Variants in SPIN3 observed in about 807,000 individuals in gnomAD.
SPIN3 encodes the protein spindlin family member 3, also known as spindlin-3.
For missense variants in SPIN3, 176 were observed against 196.4 expected (o/e 0.90, Z 0.62); for synonymous variants, 74 against 74.3 (o/e 1.00, Z 0.02).
downstream of SPIN3, among the ~76,000 whole-genome samples, chrX:56,989,296 C>T (rs966864433): frequency 9.0e-6 from 1 of 111,087 alleles, no homozygotes; most frequent in Non-Finnish European, 1.9e-5. Context: ...AGGTTTTTCT[C>T]CTTTGGGGAC....
chrX:56,984,037 T>A (rs780156216), intron 3 of SPIN3, among the ~76,000 whole-genome samples: 1 of 111,489 alleles, frequency 9.0e-6, no homozygotes, highest in South Asian at 3.8e-4. Flanking sequence ...CACTCAGGGA[T>A]CCTCTCACTT....
intron 3 of SPIN3, chrX:56,982,546 C>T (rs1319718442): frequency 9.0e-6 from 1 of 110,771 alleles, no homozygotes; most frequent in Non-Finnish European, 1.9e-5. Context: ...AGAAAATACC[C>T]AGGGCCAGCA....
At position 56,991,354 on chromosome X, in the gene SPIN3, A is replaced by T. The variant is rs1924332918; in HGVS notation, c.*2817T>A. 1 of 111,488 alleles carries T rather than the reference A, an allele frequency of 9.0e-6. No individual in the cohort carries two copies. The highest frequency in any genetic ancestry group is 3.8e-4 in the South Asian group (1 of 2,620). The allele number at this position is 111,488 out of a possible 1,213,427, so 9.2% of individuals were successfully genotyped here. On this transcript the variant is annotated 3_prime_UTR_variant, in exon 2 of 2. Transcript: ENST00000374919. ...ACCCAGCCATGTAGTGAAGGACTGC[A>T]GTCTTTCCCACATCTTGCTGTGTGG...
chrX:56,987,189 C>A (rs1174614706), downstream of SPIN3, among the ~76,000 whole-genome samples: 5 of 111,866 alleles, frequency 4.5e-5, no homozygotes, highest in Non-Finnish European at 9.4e-5. Context: ...CAAAAACATA[C>A]CAGAAAACAG....
In SPIN3 at chrX:56,993,102, G is replaced by GGACTCTGAA. The variant is rs1482799443; in HGVS notation, c.*1068_*1069insTTCAGAGTC. 1.8e-5 allele frequency: 2 copies of GGACTCTGAA among 112,031 alleles called. No homozygotes were observed. Among genetic ancestry groups the GGACTCTGAA allele is most frequent in the African/African-American group, 3.2e-5 (1 of 30,807 alleles). 9.2% of individuals were successfully genotyped at this position (112,031 alleles called of 1,213,427 possible). On this transcript the variant is annotated 3_prime_UTR_variant, in exon 2 of 2. Transcript: ENST00000374919. ...TATAGCCTGCTTTCAGCCATTCTTG[G>GGACTCTGAA]TTCTCACAAGTGCCTTGCCCACCTC...
At chrX:56,975,875 TA>T (rs34554026), downstream of SPIN3, 59,542 of 109,569 alleles carry the variant, frequency 0.54, 14,435 homozygotes, top group Non-Finnish European at 0.75. Flanking sequence ...GGTCCACTTT[TA>T]ACTTTTCCTG....
At chrX:56,983,752 T>C (rs763955969) in intron 3 of SPIN3, among the ~76,000 whole-genome samples, 1 of 112,752 alleles carries the variant, frequency 8.9e-6, no homozygotes, top group South Asian at 3.7e-4. Flanking sequence ...GTCAGTACTA[T>C]GCTAGGGTGG....
downstream of SPIN3, among the ~76,000 whole-genome samples, chrX:56,986,604 C>T (rs932254606): frequency 2.7e-5 from 3 of 112,060 alleles, no homozygotes; most frequent in Non-Finnish European, 5.6e-5. Flanking sequence ...TTACTGACAT[C>T]CCGACATCCT....
downstream of SPIN3, among the ~76,000 whole-genome samples, chrX:56,989,073 G>T (rs1330870138): frequency 8.9e-6 from 1 of 111,832 alleles, no homozygotes; most frequent in Non-Finnish European, 1.9e-5. Context: ...AAGCTACTAT[G>T]TATTGTTTCC....
At chrX:56,982,127 G>T (rs1325748874) in intron 3 of SPIN3, 2 of 111,527 alleles carry the variant, frequency 1.8e-5, no homozygotes, top group African/African-American at 6.5e-5. Flanking sequence ...CAGGGTAAAT[G>T]GGCTCACCCT....
At chrX:56,975,174 C>T (rs1923979495), downstream of SPIN3, 1 of 112,253 alleles carries the variant, frequency 8.9e-6, no homozygotes, top group Non-Finnish European at 1.9e-5. Context: ...GCCTGTGACA[C>T]AGCCCTCAGG....
downstream of SPIN3, among the ~76,000 whole-genome samples, chrX:56,986,907 G>A (rs928508887): frequency 8.0e-5 from 9 of 111,993 alleles, no homozygotes; most frequent in East Asian, 2.8e-4. Context: ...TGAGGCAGGC[G>A]GATCACCTGA....
chrX:56,984,307 C>T, exon 3 of SPIN3: 1 of 264,434 alleles, frequency 3.8e-6, no homozygotes, highest in Non-Finnish European at 7.1e-6. Context: ...TCATTCATAA[C>T]ATTGGTGTGG....
At chrX:56,982,212 T>C (rs751071803) in intron 3 of SPIN3, 2 of 111,100 alleles carry the variant, frequency 1.8e-5, no homozygotes, top group South Asian at 7.8e-4. Flanking sequence ...AAACCCCTTA[T>C]CCTGAATGCA....
rs974683726 is a variant in SPIN3 at position 56,995,236 on chromosome X, C to T, written c.-23G>A. ...ACTACCCGGCCAGGAGGCGCAGATT[C>T]CCCACCGTCCCGGATTGCGGGCCTC... On this transcript the variant is annotated 5_prime_UTR_variant, in exon 1 of 2. Transcript: ENST00000374919. 109 of 297,515 alleles carry T rather than the reference C, an allele frequency of 3.7e-4. No homozygotes were observed. Among genetic ancestry groups the T allele is most frequent in the Non-Finnish European group, 2.3e-4 (39 of 171,180 alleles). 24.5% of individuals were successfully genotyped at this position (297,515 alleles called of 1,213,427 possible). A position where few individuals can be genotyped will look rare whatever the true frequency, so the allele number is the denominator to read the frequency against.
chrX:56,994,263 T>C lies in SPIN3; in HGVS notation c.685A>G (p.Ile229Val). Residue 229 changes from isoleucine (I) to valine (V), a missense_variant, in exon 2 of 2, where the codon ATT (isoleucine) becomes GTT (valine). By Grantham distance (29) the Ile-to-Val change is conservative. Transcript: ENST00000374919. ...DDGSKRTGMV[I>V]HQVEAKPSVY... ...GAGGGTTTTGCTTCTACCTGATGAATGACCATGCCAGTTCTCTTGGAGCCA... is the reference window on the plus strand; with the variant it reads ...GAGGGTTTTGCTTCTACCTGATGAACGACCATGCCAGTTCTCTTGGAGCCA... The C allele has an allele frequency of 8.3e-7, 1 of 1,212,034 alleles. No homozygotes were observed. The highest frequency in any genetic ancestry group is 1.1e-6 in the Non-Finnish European group (1 of 895,609).
intron 2 of SPIN3, among the ~76,000 whole-genome samples, chrX:56,985,700 G>A (rs1924209790): frequency 8.9e-6 from 1 of 112,173 alleles, no homozygotes; most frequent in African/African-American, 3.2e-5. Flanking sequence ...TTCATGCAGA[G>A]TAAATACCAA....
Position 56,992,665 on chromosome X carries a change from T to C in SPIN3, c.*1506A>G. 2 of 294,476 alleles carry C rather than the reference T, an allele frequency of 6.8e-6. No individual in the cohort carries two copies. Among genetic ancestry groups the C allele is most frequent in the Non-Finnish European group, 1.2e-5 (2 of 168,474 alleles). 24.3% of individuals were successfully genotyped at this position (294,476 alleles called of 1,213,427 possible). A position where few individuals can be genotyped will look rare whatever the true frequency, so the allele number is the denominator to read the frequency against. ...CCAGCCCCAAATGTGCAGAACTCCA[T>C]GGCCTTATTAGGCTGTTACTGCTAA... is the stretch of plus-strand genomic sequence containing the variant. On this transcript the variant is annotated 3_prime_UTR_variant, in exon 2 of 2. Coordinates refer to ENST00000374919, the MANE Select transcript of SPIN3 (RefSeq NM_001010862.3).
At chrX:56,976,813 G>A (rs1924016233) in exon 6 of SPIN3, 1 of 111,347 alleles carries the variant, frequency 9.0e-6, no homozygotes. Context: ...TGTTTCACTG[G>A]GGAGAGTTTG....
Sources: allele counts gnomAD v4.1 joint callset (sites outside exome capture counted in the v4.1 genomes callset), GRCh38; gene constraint gnomAD v4.1.1; transcripts MANE v1.5; gene names NCBI Gene and HGNC (gene_info 2026-07-23, HGNC 2026-07-21).